Variants in GLIS3 observed in about 807,000 individuals in gnomAD.
GLIS3 encodes zinc finger protein GLIS3.
GLIS3 carries 53 observed loss-of-function variants against 78.6 expected under a neutral mutation model. The ratio of observed to expected loss-of-function variants is 0.67; its 90% CI spans 0.54 to 0.85. The LOEUF is 0.85. Ranked by LOEUF, GLIS3 falls within the 40% of genes least tolerant of loss-of-function variation. GLIS3 has a pLI of 0.00. For synonymous variants in GLIS3, 684 were observed against 509.9 expected, an observed-to-expected ratio of 1.34 and a Z score of -4.60; for missense variants, 1,703 against 1,231.1, an observed-to-expected ratio of 1.38 and a Z score of -5.74.
intron 2 of GLIS3, among the ~76,000 whole-genome samples, chr9:4,202,130 T>C (rs1819450896): frequency 7.2e-6 from 1 of 138,916 alleles, no homozygotes; most frequent in Non-Finnish European, 1.5e-5. Context: ...AGAGCAAGAC[T>C]CTTTTTTTTC....
At chr9:3,874,214 TAA>T (rs1563800574) in intron 8 of GLIS3, among the ~76,000 whole-genome samples, 1 of 152,086 alleles carries the variant, frequency 6.6e-6, no homozygotes, top group Non-Finnish European at 1.5e-5. Context: ...GGCCAAAGAG[TAA>T]ACTGATTACC....
chr9:4,219,327 A>G (rs868449227), intron 2 of GLIS3, among the ~76,000 whole-genome samples: 1 of 152,346 alleles, frequency 6.6e-6, no homozygotes, highest in Middle Eastern at 3.4e-3. Flanking sequence ...TTAACTTAGA[A>G]CTTTTTAAAC....
intron 2 of GLIS3, among the ~76,000 whole-genome samples, chr9:4,206,902 G>A (rs1341111967): frequency 1.3e-5 from 2 of 152,126 alleles, no homozygotes; most frequent in Admixed American, 1.3e-4. Context: ...GGAGGAAGGG[G>A]GGAGGACGAA....
In GLIS3 at chr9:3,825,432, T is replaced by C. The variant is rs79895132; in HGVS notation, c.*2840A>G. On this transcript the variant is annotated 3_prime_UTR_variant, in exon 11 of 11. Coordinates refer to ENST00000381971, the MANE Select transcript of GLIS3 (RefSeq NM_001042413.2). Reference sequence around the variant, plus strand: ...AATGAAATGTCTCTAGGCAGACTGATTTTTTTTTTAATGCAATAGGATAAT... The same window carrying C: ...AATGAAATGTCTCTAGGCAGACTGACTTTTTTTTTAATGCAATAGGATAAT... 8.4e-6 allele frequency: 1 copy of C among 119,032 alleles called. No homozygotes were observed. The highest frequency in any genetic ancestry group is 2.0e-5 in the Non-Finnish European group (1 of 49,474). 7.4% of individuals were successfully genotyped at this position (119,032 alleles called of 1,614,324 possible).
chr9:3,893,208 G>A (rs1373778074), intron 7 of GLIS3, among the ~76,000 whole-genome samples: 1 of 152,128 alleles, frequency 6.6e-6, no homozygotes, highest in East Asian at 1.9e-4. Flanking sequence ...TCCTCAATGA[G>A]GTACGGAATT....
At chr9:3,975,189 C>G (rs1444123276) in intron 4 of GLIS3, 4 of 152,082 alleles carry the variant, frequency 2.6e-5, no homozygotes, top group Non-Finnish European at 5.9e-5. Context: ...ATCTTCTTGG[C>G]TGATGGAGAC....
intron 2 of GLIS3, among the ~76,000 whole-genome samples, chr9:4,161,423 T>A (rs1445581759): frequency 3.9e-5 from 6 of 152,190 alleles, no homozygotes; most frequent in Admixed American, 3.9e-4. Flanking sequence ...TTTATACACA[T>A]GGGGAAGAGG....
In GLIS3 at chr9:4,311,397, A is replaced by G. The variant is rs138754546; in HGVS notation, n.265-869T>C. Among the ~76,000 whole-genome samples the G allele has an allele frequency of 9.8e-5, 15 of 152,356 alleles. 1 individual carries two copies. The East Asian group carries it at 1.9e-3, about 20-fold the overall frequency. Reference sequence around the variant, plus strand: ...ACACTCCAGCCTAGGTGACAGAGCAAGACTCTGTCTCAAAAAAGTAACTAA... The same window carrying G: ...ACACTCCAGCCTAGGTGACAGAGCAGGACTCTGTCTCAAAAAAGTAACTAA... On this transcript the variant is annotated intron_variant and non_coding_transcript_variant, in intron 2 of 4. Transcript: ENST00000471664.
intron 9 of GLIS3, among the ~76,000 whole-genome samples, chr9:3,853,575 G>T (rs1819574983): frequency 6.6e-6 from 1 of 152,176 alleles, no homozygotes; most frequent in African/African-American, 2.4e-5. Flanking sequence ...TGCTTTTTTT[G>T]TCAAATCTTC....
intron 4 of GLIS3, among the ~76,000 whole-genome samples, chr9:3,968,547 T>C (rs560239687): frequency 6.6e-6 from 1 of 152,328 alleles, no homozygotes; most frequent in South Asian, 2.1e-4. Flanking sequence ...GATTAAATTA[T>C]ACAAATTATA....
At chr9:3,893,878 C>G (rs2130565787) in intron 7 of GLIS3, among the ~76,000 whole-genome samples, 1 of 152,322 alleles carries the variant, frequency 6.6e-6, no homozygotes, top group South Asian at 2.1e-4. Context: ...TACTGAAGGA[C>G]TGGCTCAGGA....
chr9:4,071,315 GTCTCTC>G (rs144121433), intron 4 of GLIS3: 2 of 150,364 alleles, frequency 1.3e-5, no homozygotes, highest in African/African-American at 2.4e-5. Flanking sequence ...AAACCTTGCA[GTCTCTC>G]TCTCTCTCTC....
chr9:4,317,110 T>C (rs1193214171), intron 2 of GLIS3, among the ~76,000 whole-genome samples: 3 of 152,200 alleles, frequency 2.0e-5, no homozygotes, highest in South Asian at 2.1e-4. Flanking sequence ...TGATATCCTA[T>C]TGGCTAAGAA....
At chr9:4,315,906 T>G (rs1292361303) in intron 2 of GLIS3, among the ~76,000 whole-genome samples, 2 of 152,168 alleles carry the variant, frequency 1.3e-5, no homozygotes, top group Non-Finnish European at 2.9e-5. Flanking sequence ...TATCTCGTAT[T>G]ACCTCTTGGG....
intron 7 of GLIS3, among the ~76,000 whole-genome samples, chr9:3,890,699 C>G (rs1050582723): frequency 4.6e-5 from 7 of 152,056 alleles, no homozygotes; most frequent in African/African-American, 1.7e-4. Context: ...AGATTTAGCT[C>G]CACGTTCTTT....
chr9:4,393,866 T>A, the GLIS3 span, among the ~76,000 whole-genome samples: 3 of 152,204 alleles, frequency 2.0e-5, no homozygotes, highest in East Asian at 3.8e-4. Context: ...AAGGGCTCTG[T>A]TTTAATCTGA....
chr9:4,368,871 A>G, the GLIS3 span, among the ~76,000 whole-genome samples: 2 of 152,222 alleles, frequency 1.3e-5, no homozygotes, highest in Admixed American at 1.3e-4. Context: ...TTATACTTGA[A>G]GCAAGGTGGC....
At chr9:4,469,697 T>C in the GLIS3 span, among the ~76,000 whole-genome samples, 14 of 152,048 alleles carry the variant, frequency 9.2e-5, no homozygotes, top group African/African-American at 2.7e-4. Context: ...AGATCTAAAA[T>C]CGACAACCTA....
At chr9:4,355,922 G>A in the GLIS3 span, among the ~76,000 whole-genome samples, 1 of 152,192 alleles carries the variant, frequency 6.6e-6, no homozygotes, top group East Asian at 1.9e-4. Flanking sequence ...ATTAGCATGC[G>A]TTTGGTATGG....
Sources: allele counts gnomAD v4.1 joint callset (sites outside exome capture counted in the v4.1 genomes callset), GRCh38; gene constraint gnomAD v4.1.1; transcripts MANE v1.5; gene names NCBI Gene and HGNC (gene_info 2026-07-23, HGNC 2026-07-21).